The following ADGRV1 variants were observed in gnomAD, a reference collection of about 807,000 sequenced individuals.
ADGRV1 encodes the protein adhesion G protein-coupled receptor V1.
In ADGRV1, 359 loss-of-function variants were observed where a neutral mutation model predicts 596.2. The ratio of observed to expected loss-of-function variants is 0.60; its 90% CI spans 0.55 to 0.66. The LOEUF is 0.66. Among genes scored for constraint, ADGRV1 ranks in the 30% least tolerant of loss-of-function variants. ADGRV1 has a pLI of 0.00. For synonymous variants in ADGRV1, 2,681 were observed against 2,679.2 expected (o/e 1.00, Z -0.02); for missense variants, 7,274 against 7,575.6 (o/e 0.96, Z 1.48).
intron 84 of ADGRV1, among the ~76,000 whole-genome samples, chr5:90,976,211 A>T (rs1042584468): frequency 2.5e-5 from 3 of 121,270 alleles, no homozygotes; most frequent in Non-Finnish European, 4.8e-5. Context: ...CTTGTGTGTG[A>T]GTGTGTATAT....
intron 1 of ADGRV1, among the ~76,000 whole-genome samples, chr5:90,570,440 C>A (rs1756370647): frequency 6.6e-6 from 1 of 152,066 alleles, no homozygotes; most frequent in Non-Finnish European, 1.5e-5. Context: ...TACTGAGCTT[C>A]TTAGATATGT....
At chr5:90,628,519 A>T (rs766958728) in intron 7 of ADGRV1, 43 bp from the exon 8 acceptor site, 1 of 1,544,796 alleles carries the variant, frequency 6.5e-7, no homozygotes, top group Admixed American at 1.7e-5. Flanking sequence ...AGGGAAATAA[A>T]GTGTACTATG....
rs1262220108 is a variant in ADGRV1 at position 90,788,122 on chromosome 5, A to C, written c.13705A>C (p.Asn4569His). 3 of 1,613,704 alleles carry C rather than the reference A, an allele frequency of 1.9e-6. No individual in the cohort carries two copies. Among genetic ancestry groups the C allele is most frequent in the Admixed American group, 3.3e-5 (2 of 60,008 alleles). ...PNSQEALLPQ[N>H]RDIADPVSGL... ...CTCTCAAGAAGCCTTACTGCCACAG[A>C]ATAGAGACATTGCAGACCCAGTGAG... Residue 4569 changes from asparagine to histidine, a missense_variant, in exon 68 of 90, where the codon AAT becomes CAT. Asn to His is a moderately conservative substitution (Grantham distance 68). Around this residue, in one of 5 missense-constraint regions of ADGRV1, gnomAD observed 3,643 missense variants for 3,809.2 expected, o/e 0.96. Coordinates refer to ENST00000405460, the MANE Select transcript of ADGRV1 (RefSeq NM_032119.4).
intron 85 of ADGRV1, among the ~76,000 whole-genome samples, chr5:91,051,134 G>T (rs933969256): frequency 6.6e-6 from 1 of 152,070 alleles, no homozygotes; most frequent in Admixed American, 6.5e-5. Context: ...ACCCTAAAAG[G>T]CTCCTTATGG....
At chr5:90,856,025 A>G (rs1358430252) in intron 82 of ADGRV1, 124 bp downstream of exon 82, 5 of 790,254 alleles carry the variant, frequency 6.3e-6, no homozygotes, top group Non-Finnish European at 1.0e-5. Context: ...CTAGAAGAAT[A>G]CAAATTTTTC....
intron 58 of ADGRV1, among the ~76,000 whole-genome samples, chr5:90,760,570 A>G (rs1446833596): frequency 6.6e-6 from 1 of 152,216 alleles, no homozygotes; most frequent in African/African-American, 2.4e-5. Flanking sequence ...TCTGGGTGTT[A>G]CATCCCACAA....
chr5:90,703,833 A>G lies in ADGRV1; in HGVS notation c.8286+38A>G, dbSNP rs760110752. 11 of 1,492,094 alleles carry G rather than the reference A, an allele frequency of 7.4e-6. 1 individual carries two copies. The South Asian group carries it at 1.1e-4, about 16-fold the overall frequency. The allele number at this position is 1,492,094 out of a possible 1,614,324, so 92.4% of individuals were successfully genotyped here. A position where few individuals can be genotyped will look rare whatever the true frequency, so the allele number is the denominator to read the frequency against. On this transcript the variant is annotated intron_variant, in intron 35 of 89. Transcript: ENST00000405460. The stretch of plus-strand genomic sequence containing the variant: ...AGAAAAGTCGATCACAAATATCTAG[A>G]AAGAATGGTGTATTTTGAGGAAAAT...
At chr5:90,854,236 G>T (rs1442576616) in intron 81 of ADGRV1, 35 bp downstream of exon 81, 1 of 1,488,972 alleles carries the variant, frequency 6.7e-7, no homozygotes, top group East Asian at 2.5e-5. Context: ...TCAGAATTTG[G>T]TCCTTCCCCA....
chr5:90,711,066 C>T lies in ADGRV1; in HGVS notation c.8903+7C>T, dbSNP rs1749275101. 2 of 1,604,442 alleles carry T rather than the reference C, an allele frequency of 1.2e-6. No homozygotes were observed. Among genetic ancestry groups the T allele is most frequent in the East Asian group, 4.5e-5 (2 of 44,780 alleles). Reference sequence around the variant, plus strand: ...TTGAATGGCAACAAAGCAGGTAAGGCCAAGGCTGCATGAGAGCCCTCTTCT... The same window carrying T: ...TTGAATGGCAACAAAGCAGGTAAGGTCAAGGCTGCATGAGAGCCCTCTTCT... On this transcript the variant is annotated splice_region_variant and intron_variant, in intron 40 of 89. Coordinates refer to ENST00000405460, the MANE Select transcript of ADGRV1 (RefSeq NM_032119.4).
chr5:90,836,694 A>G (rs1472638178), intron 77 of ADGRV1, among the ~76,000 whole-genome samples: 3 of 152,212 alleles, frequency 2.0e-5, no homozygotes, highest in Non-Finnish European at 4.4e-5. Context: ...ATATTATATT[A>G]CAGTCATGCA....
rs1046994315 is a variant in ADGRV1, at chr5:91,102,305, A to T, written c.18397A>T (p.Met6133Leu). ...ACACATGGCCTACAGACACTTCTGG[A>T]TGTTGGTTCTCTTTGTCATTTTCAA... is the stretch of plus-strand genomic sequence containing the variant. The part of the protein sequence containing the change: ...GLHMAYRHFW[M>L]LVLFVIFNSL... Residue 6133 changes from methionine (M) to leucine (L), a missense_variant, in exon 87 of 90, where the codon ATG (methionine) becomes TTG (leucine). Around this residue, in one of 5 missense-constraint regions of ADGRV1, gnomAD observed 1,874 missense variants for 1,970.2 expected, o/e 0.95. Transcript: ENST00000405460. 1 of 1,606,274 alleles carries T rather than the reference A, an allele frequency of 6.2e-7. No homozygotes were observed. The highest frequency in any genetic ancestry group is 1.3e-5 in the African/African-American group (1 of 74,682).
At chr5:90,935,000 A>G (rs910737460) in intron 83 of ADGRV1, among the ~76,000 whole-genome samples, 1 of 152,186 alleles carries the variant, frequency 6.6e-6, no homozygotes, top group Non-Finnish European at 1.5e-5. Flanking sequence ...TAGAAGCCCC[A>G]TCTCTAGTTA....
At chr5:90,650,786 A>G (rs1023661415) in intron 17 of ADGRV1, among the ~76,000 whole-genome samples, 2 of 152,168 alleles carry the variant, frequency 1.3e-5, no homozygotes, top group Admixed American at 6.5e-5. Context: ...GACAAAGAGC[A>G]AAGTGCCGTG....
intron 85 of ADGRV1, among the ~76,000 whole-genome samples, chr5:91,012,603 A>G (rs2151153719): frequency 6.6e-6 from 1 of 152,078 alleles, no homozygotes; most frequent in East Asian, 1.9e-4. Flanking sequence ...GTGTCAAGTA[A>G]TGTGCTCAAT....
intron 1 of ADGRV1, among the ~76,000 whole-genome samples, chr5:90,580,544 A>G (rs1309046285): frequency 1.3e-5 from 2 of 151,446 alleles, no homozygotes; most frequent in Non-Finnish European, 2.9e-5. Context: ...TCCTTCACTT[A>G]GTTTGGCTGG....
intron 59 of ADGRV1, among the ~76,000 whole-genome samples, chr5:90,766,250 C>T (rs80210145): frequency 0.019 from 2,859 of 152,168 alleles, 88 homozygotes; most frequent in African/African-American, 0.066. Flanking sequence ...CCTGTTTTCC[C>T]ATCAAAACTA....
chr5:90,708,751 A>G, intron 38 of ADGRV1, 65 bp from the exon 39 acceptor site: 1 of 1,013,890 alleles, frequency 9.9e-7, no homozygotes. Context: ...ATTTAAAAAC[A>G]GTTTCTGAGG....
intron 89 of ADGRV1, among the ~76,000 whole-genome samples, chr5:91,158,897 ATG>A (rs1437262269): frequency 2.0e-5 from 3 of 151,198 alleles, no homozygotes; most frequent in South Asian, 2.1e-4. Flanking sequence ...GGATGGATGG[ATG>A]GATAGATGCA....
intron 86 of ADGRV1, among the ~76,000 whole-genome samples, chr5:91,087,390 G>A (rs141291056): frequency 0.013 from 1,977 of 151,960 alleles, 50 homozygotes; most frequent in African/African-American, 0.045. Context: ...TCCGCCTCCC[G>A]AGTTCAAGCG....
Sources: allele counts gnomAD v4.1 joint callset (sites outside exome capture counted in the v4.1 genomes callset), GRCh38; gene constraint gnomAD v4.1.1; regional missense constraint gnomAD v4.1.1; transcripts MANE v1.5; gene names NCBI Gene and HGNC (gene_info 2026-07-23, HGNC 2026-07-21).